Variants in SLC30A7 observed in about 807,000 individuals in gnomAD.
SLC30A7 encodes solute carrier family 30 member 7, also known as zinc transporter 7.
Under a neutral mutation model 46.0 loss-of-function variants are expected in SLC30A7, and 35 were observed. The ratio of observed to expected loss-of-function variants is 0.76; its 90% CI spans 0.58 to 1.01. SLC30A7 has a LOEUF of 1.01. Ranked by LOEUF, SLC30A7 falls within the 50% of genes least tolerant of loss-of-function variation. SLC30A7 has a pLI of 0.00. For synonymous variants in SLC30A7, 147 were observed against 157.8 expected (o/e 0.93, Z 0.51); for missense variants, 464 against 451.1 (o/e 1.03, Z -0.26).
chr1:100,993,324 G>A, the SLC30A7 span, among the ~76,000 whole-genome samples: 1 of 151,518 alleles, frequency 6.6e-6, no homozygotes, highest in African/African-American at 2.4e-5. Context: ...AGGCAGAGGC[G>A]GGTGGATCAC....
chr1:100,995,207 T>A, the SLC30A7 span: 8 of 1,217,296 alleles, frequency 6.6e-6, no homozygotes, highest in South Asian at 1.0e-4. Context: ...CAAAACCCTA[T>A]GTGTAAACCT....
chr1:100,992,687 T>C, the SLC30A7 span: 2 of 1,613,896 alleles, frequency 1.2e-6, no homozygotes, highest in Non-Finnish European at 1.7e-6. Flanking sequence ...CAGAAGCTGC[T>C]GGGCTGCTTG....
intron 8 of SLC30A7, among the ~76,000 whole-genome samples, chr1:100,926,224 CTT>C (rs748834216): frequency 8.5e-5 from 13 of 152,104 alleles, no homozygotes; most frequent in Non-Finnish European, 1.5e-4. Flanking sequence ...ATTATTTGCT[CTT>C]GTTTTTCTGA....
At chr1:100,940,381 G>T (rs1001428711) in intron 8 of SLC30A7, among the ~76,000 whole-genome samples, 3 of 152,106 alleles carry the variant, frequency 2.0e-5, no homozygotes, top group African/African-American at 7.2e-5. Flanking sequence ...CTCAAAACTA[G>T]AAAATCAGTA....
At chr1:100,964,288 T>TA (rs58857327) in intron 9 of SLC30A7, among the ~76,000 whole-genome samples, 2 of 96,702 alleles carry the variant, frequency 2.1e-5, no homozygotes, top group Non-Finnish European at 2.3e-5. Context: ...ATAACATATA[T>TA]GTTATATAAC....
rs779771049 is a variant in SLC30A7 at position 100,975,736 on chromosome 1, C to T, written c.*879C>T. 1 of 151,702 alleles carries T rather than the reference C, an allele frequency of 6.6e-6. No homozygotes were observed. Among genetic ancestry groups the T allele is most frequent in the Non-Finnish European group, 1.5e-5 (1 of 68,064 alleles). The allele number at this position is 151,702 out of a possible 1,614,324, so 9.4% of individuals were successfully genotyped here. A position where few individuals can be genotyped will look rare whatever the true frequency, so the allele number is the denominator to read the frequency against. On this transcript the variant is annotated 3_prime_UTR_variant, in exon 11 of 11. Transcript: ENST00000357650. ...AGAGATGGGGTTTCACCATGTTGGC[C>T]AGGATGGTCTTGATCTCTTGACCTC...
the SLC30A7 span, chr1:100,992,872 T>G: frequency 3.6e-6 from 2 of 558,866 alleles, no homozygotes; most frequent in Non-Finnish European, 6.4e-6. Flanking sequence ...TTACATGTAC[T>G]CACTTTAAGC....
intron 10 of SLC30A7, among the ~76,000 whole-genome samples, chr1:100,970,030 A>G (rs911431698): frequency 1.6e-4 from 25 of 152,184 alleles, no homozygotes; most frequent in African/African-American, 5.8e-4. Flanking sequence ...CTTAAATTAC[A>G]TCTTATAAAT....
rs113250935 is a variant in SLC30A7, at chr1:100,959,173, G to A, written c.843-2655G>A. Among the ~76,000 whole-genome samples, 965 of 152,246 alleles carry A rather than the reference G, an allele frequency of 6.3e-3. 15 individuals carry two copies. The highest frequency in any genetic ancestry group is 0.02 in the African/African-American group (837 of 41,540). ...GAGGGGCCAGATCCAAAAATATACT[G>A]TGTTAAAGAGCCAGCACTTAATTCC... is the stretch of plus-strand genomic sequence containing the variant. On this transcript the variant is annotated intron_variant, in intron 8 of 10. Transcript: ENST00000357650.
intron 8 of SLC30A7, among the ~76,000 whole-genome samples, chr1:100,934,528 A>AG (rs1653839652): frequency 6.6e-6 from 1 of 152,138 alleles, no homozygotes; most frequent in Admixed American, 6.5e-5. Flanking sequence ...AGAATAAGGA[A>AG]GTCAGAGGTT....
At chr1:100,908,208 G>A (rs1440856754) in intron 3 of SLC30A7, among the ~76,000 whole-genome samples, 1 of 151,664 alleles carries the variant, frequency 6.6e-6, no homozygotes. Context: ...TTTACTCTCT[G>A]TCCTTAACTG....
At chr1:100,933,079 G>A (rs1193964118) in intron 8 of SLC30A7, among the ~76,000 whole-genome samples, 1 of 151,786 alleles carries the variant, frequency 6.6e-6, no homozygotes, top group African/African-American at 2.4e-5. Context: ...TGGTTCAGGG[G>A]ATTCTCCTGC....
At chr1:100,974,473 G>A (rs1004596950) in intron 10 of SLC30A7, among the ~76,000 whole-genome samples, 5 of 152,122 alleles carry the variant, frequency 3.3e-5, no homozygotes, top group Non-Finnish European at 4.4e-5. Flanking sequence ...ATTTAGACAG[G>A]GTTGATGTAT....
At chr1:100,952,408 A>G (rs916627699) in intron 8 of SLC30A7, among the ~76,000 whole-genome samples, 6 of 152,188 alleles carry the variant, frequency 3.9e-5, no homozygotes, top group African/African-American at 1.2e-4. Flanking sequence ...GTGTATATAA[A>G]GTCTTGAACA....
rs1656589108 is a variant in SLC30A7 at position 100,977,324 on chromosome 1, T to A, written c.*2467T>A. The A allele has an allele frequency of 6.6e-6, 1 of 152,210 alleles. No homozygotes were observed. Among genetic ancestry groups the A allele is most frequent in the African/African-American group, 2.4e-5 (1 of 41,460 alleles). The allele number at this position is 152,210 out of a possible 1,614,324, so 9.4% of individuals were successfully genotyped here. ...GTGTTAGACTGATGTGAATTTGCAT[T>A]TGTTACATTACATTGCCAGCGCATA... On this transcript the variant is annotated 3_prime_UTR_variant, in exon 11 of 11. Coordinates refer to ENST00000357650, the MANE Select transcript of SLC30A7 (RefSeq NM_133496.5).
chr1:100,931,941 C>G (rs570889769), intron 8 of SLC30A7, among the ~76,000 whole-genome samples: 1 of 152,156 alleles, frequency 6.6e-6, no homozygotes, highest in African/African-American at 2.4e-5. Flanking sequence ...GCTATTTCTG[C>G]TTTTAATCTA....
chr1:100,907,835 A>T, intron 3 of SLC30A7, among the ~76,000 whole-genome samples: 1 of 149,872 alleles, frequency 6.7e-6, no homozygotes, highest in African/African-American at 2.5e-5. Context: ...TCTTCTCCTG[A>T]ACTCCCTTTT....
intron 8 of SLC30A7, among the ~76,000 whole-genome samples, chr1:100,939,001 C>T (rs145548603): frequency 1.8e-3 from 278 of 152,264 alleles, no homozygotes; most frequent in African/African-American, 5.9e-3. Flanking sequence ...GTCTGTTGTT[C>T]CCATGTTTAT....
chr1:100,928,043 T>C lies in SLC30A7; in HGVS notation c.842+6202T>C, dbSNP rs1653417941. On this transcript the variant is annotated intron_variant, in intron 8 of 10. Coordinates refer to ENST00000357650, the MANE Select transcript of SLC30A7 (RefSeq NM_133496.5). ...ATATAGAGACCTGATGATGGGTGGA[T>C]TGCCCACATGGATAATTTAAATCAA... Among the ~76,000 whole-genome samples the C allele has an allele frequency of 2.0e-5, 3 of 152,110 alleles. No homozygotes were observed. In the South Asian group the frequency reaches 6.2e-4, roughly 32 times the overall value.
Sources: gnomAD v4.1 joint callset for allele counts (sites outside exome capture counted in the v4.1 genomes callset) on GRCh38, gnomAD v4.1.1 for gene constraint, MANE v1.5 for transcripts, NCBI Gene and HGNC (gene_info 2026-07-23, HGNC 2026-07-21) for gene names.